PLPP4: variants seen among roughly 807,000 people sequenced by gnomAD.
PLPP4 encodes the protein phospholipid phosphatase 4, also known as diacylglycerol pyrophosphate like 2.
A neutral mutation model predicts 32.2 loss-of-function variants in PLPP4; 20 were observed. That is an observed-to-expected ratio of 0.62 (90% CI 0.44 to 0.90). PLPP4 has a LOEUF of 0.90. Among genes scored for constraint, PLPP4 ranks in the 40% least tolerant of loss-of-function variants. PLPP4 has a pLI of 0.00. For missense variants in PLPP4, 257 were observed against 353.1 expected, an observed-to-expected ratio of 0.73 and a Z score of 2.18; for synonymous variants, 127 against 133.0, an observed-to-expected ratio of 0.95 and a Z score of 0.31.
intron 5 of PLPP4, among the ~76,000 whole-genome samples, chr10:120,561,022 C>A (rs1387654020): frequency 6.6e-6 from 1 of 152,142 alleles, no homozygotes; most frequent in African/African-American, 2.4e-5. Context: ...CAGTCACCAA[C>A]CTCCAAGTTT....
chr10:120,482,641 A>G (rs1486578275), intron 1 of PLPP4, among the ~76,000 whole-genome samples: 1 of 152,112 alleles, frequency 6.6e-6, no homozygotes, highest in African/African-American at 2.4e-5. Context: ...GCAGTGGCTC[A>G]CACCTGTAAT....
chr10:120,577,800 G>T (rs1173260484), intron 6 of PLPP4, among the ~76,000 whole-genome samples: 2 of 152,200 alleles, frequency 1.3e-5, no homozygotes, highest in Non-Finnish European at 2.9e-5. Context: ...TCAGCCAGGA[G>T]AGGAACACAA....
At chr10:120,486,594 G>A (rs572478865) in intron 1 of PLPP4, among the ~76,000 whole-genome samples, 8 of 152,334 alleles carry the variant, frequency 5.3e-5, no homozygotes, top group Middle Eastern at 3.4e-3. Flanking sequence ...GCTGTTACAC[G>A]TTATATTATT....
At chr10:120,506,247 C>T (rs1344785152) in intron 2 of PLPP4, among the ~76,000 whole-genome samples, 1 of 152,150 alleles carries the variant, frequency 6.6e-6, no homozygotes, top group Non-Finnish European at 1.5e-5. Flanking sequence ...CATTTGGTCA[C>T]ACGATTTAGT....
At chr10:120,470,566 A>G (rs184440075) in intron 1 of PLPP4, among the ~76,000 whole-genome samples, 2 of 151,956 alleles carry the variant, frequency 1.3e-5, no homozygotes, top group Non-Finnish European at 2.9e-5. Flanking sequence ...CTTTAATTTT[A>G]ATTTGCTAAT....
At chr10:120,548,903 G>T (rs1847759115) in intron 5 of PLPP4, among the ~76,000 whole-genome samples, 1 of 151,860 alleles carries the variant, frequency 6.6e-6, no homozygotes, top group Non-Finnish European at 1.5e-5. Context: ...CATGTCCTTT[G>T]CCCAACTTTT....
At chr10:120,497,124 T>A (rs1845005278) in intron 1 of PLPP4, among the ~76,000 whole-genome samples, 1 of 151,950 alleles carries the variant, frequency 6.6e-6, no homozygotes, top group Non-Finnish European at 1.5e-5. Context: ...ATCTGCTGCT[T>A]GTAGGTGAAG....
intron 1 of PLPP4, among the ~76,000 whole-genome samples, chr10:120,470,381 A>G (rs2478428): frequency 0.081 from 12,264 of 152,116 alleles, 752 homozygotes; most frequent in African/African-American, 0.17. Flanking sequence ...TTCCATGTCT[A>G]TGGTTGATTT....
At chr10:120,481,360 A>G (rs1844198174) in intron 1 of PLPP4, among the ~76,000 whole-genome samples, 2 of 152,170 alleles carry the variant, frequency 1.3e-5, no homozygotes, top group African/African-American at 4.8e-5. Context: ...AGCCCAGGGG[A>G]CATCAGGGAG....
chr10:120,476,296 T>G (rs756623455), intron 1 of PLPP4, among the ~76,000 whole-genome samples: 7 of 152,240 alleles, frequency 4.6e-5, no homozygotes, highest in Non-Finnish European at 2.9e-5. Context: ...CAACTGCTTC[T>G]TCTCTTTTTT....
At chr10:120,551,601 T>C (rs966035519) in intron 5 of PLPP4, among the ~76,000 whole-genome samples, 2 of 152,184 alleles carry the variant, frequency 1.3e-5, no homozygotes, top group African/African-American at 4.8e-5. Context: ...GAGTATAAGC[T>C]ATAATATTCT....
At chr10:120,457,593 C>A (rs939214135) in intron 1 of PLPP4, among the ~76,000 whole-genome samples, 3 of 152,190 alleles carry the variant, frequency 2.0e-5, no homozygotes, top group Non-Finnish European at 4.4e-5. Context: ...CTGAGACCTG[C>A]TCCCGGGTCT....
At chr10:120,585,999 G>A (rs562276225) in intron 6 of PLPP4, among the ~76,000 whole-genome samples, 9 of 152,322 alleles carry the variant, frequency 5.9e-5, no homozygotes, top group East Asian at 3.8e-4. Flanking sequence ...GTTTGAACTC[G>A]TATGGGGAGA....
intron 1 of PLPP4, among the ~76,000 whole-genome samples, chr10:120,494,857 G>T (rs1194590218): frequency 6.6e-6 from 1 of 152,128 alleles, no homozygotes; most frequent in African/African-American, 2.4e-5. Flanking sequence ...GATCTCAGTT[G>T]TCCACACTGA....
At chr10:120,549,405 T>C (rs1022991280) in intron 5 of PLPP4, among the ~76,000 whole-genome samples, 1 of 151,332 alleles carries the variant, frequency 6.6e-6, no homozygotes, top group Non-Finnish European at 1.5e-5. Flanking sequence ...CCAGGTGGTT[T>C]CACTGGTGTC....
At chr10:120,467,066 A>T (rs1289928796) in intron 1 of PLPP4, among the ~76,000 whole-genome samples, 1 of 152,088 alleles carries the variant, frequency 6.6e-6, no homozygotes, top group African/African-American at 2.4e-5. Context: ...AATTGCCAGT[A>T]TATAAGTATG....
intron 5 of PLPP4, among the ~76,000 whole-genome samples, chr10:120,558,559 G>A (rs1848271065): frequency 6.6e-6 from 1 of 151,796 alleles, no homozygotes; most frequent in African/African-American, 2.4e-5. Flanking sequence ...GGGATTACAG[G>A]TGCCCACCAC....
intron 5 of PLPP4, among the ~76,000 whole-genome samples, chr10:120,566,704 G>A (rs1213465783): frequency 6.6e-6 from 1 of 152,020 alleles, no homozygotes; most frequent in Non-Finnish European, 1.5e-5. Context: ...ACAGGTGCCT[G>A]CCACCACGCC....
intron 5 of PLPP4, among the ~76,000 whole-genome samples, chr10:120,561,412 C>G (rs1047784022): frequency 1.3e-5 from 2 of 152,218 alleles, no homozygotes; most frequent in South Asian, 2.1e-4. Context: ...ATGACCCCTG[C>G]CATATTTCAT....
Sources: allele counts gnomAD v4.1 joint callset (sites outside exome capture counted in the v4.1 genomes callset), GRCh38; gene constraint gnomAD v4.1.1; transcripts MANE v1.5; gene names NCBI Gene and HGNC (gene_info 2026-07-23, HGNC 2026-07-21).